NEMF: variants seen among roughly 807,000 people sequenced by gnomAD.
NEMF encodes ribosome quality control complex subunit NEMF.
A neutral mutation model predicts 162.2 loss-of-function variants in NEMF; 89 were observed. The observed-to-expected ratio is 0.55, with a 90% CI of 0.46 to 0.65. The LOEUF (loss-of-function observed/expected upper bound fraction) is 0.65. Among genes scored for constraint, NEMF ranks in the 30% least tolerant of loss-of-function variants. NEMF has a pLI of 0.00. For synonymous variants in NEMF, 421 were observed against 404.5 expected (o/e 1.04, Z -0.49); for missense variants, 1,133 against 1,261.9 (o/e 0.90, Z 1.55).
At position 49,799,628 on chromosome 14, in the gene NEMF, T is replaced by C. The variant is rs777217687; in HGVS notation, c.2415+8A>G. On this transcript the variant is annotated splice_region_variant and intron_variant, in intron 24 of 32. Coordinates refer to ENST00000298310, the MANE Select transcript of NEMF (RefSeq NM_004713.6). ...CGGATGTTCTTCATAAAACTGAAAA[T>C]AGCTTACAGAATTAGAAGATTCCTC... 4.4e-6 allele frequency: 7 copies of C among 1,608,120 alleles called. No homozygotes were observed.
Position 49,806,213 on chromosome 14 carries a change from G to A in NEMF, c.1745-80C>T, listed in dbSNP as rs1594749768. 10 of 485,134 alleles carry A rather than the reference G, an allele frequency of 2.1e-5. No individual in the cohort carries two copies. In the East Asian group the frequency reaches 4.8e-4, roughly 23 times the overall value. The allele number at this position is 485,134 out of a possible 1,614,324, so 30.1% of individuals were successfully genotyped here. ...AAGATATGAAAATCACATGCCGCAT[G>A]ACAGGGTCAATGATATGTGTATATA... On this transcript the variant is annotated intron_variant, in intron 18 of 32. Transcript: ENST00000298310.
chr14:49,789,386 A>C, intron 27 of NEMF, 43 bp from the exon 28 acceptor site: 1 of 1,611,608 alleles, frequency 6.2e-7, no homozygotes, highest in Non-Finnish European at 8.5e-7. Flanking sequence ...TGTATTTTCA[A>C]TACTGTGAAT....
Position 49,834,412 on chromosome 14 carries a change from T to G in NEMF, c.612A>C (p.Glu204Asp). 1 of 1,609,004 alleles carries G rather than the reference T, an allele frequency of 6.2e-7. No homozygotes were observed. The highest frequency in any genetic ancestry group is 8.5e-7 in the Non-Finnish European group (1 of 1,175,282). Residue 204 changes from glutamate (E) to aspartate (D), a missense_variant, in exon 7 of 33, where the codon GAA (glutamate) becomes GAC (aspartate). Physicochemically the swap from Glu to Asp is conservative, Grantham distance 45. Transcript: ENST00000298310. ...CTTTGACATTACCCGAGAATCCATT[T>G]TCTAAAAGACAGTGTTCAATGAGAG... ...GPALIEHCLL[E>D]NGFSGNVKVD...
At chr14:49,826,960 G>C (rs1464288232) in intron 15 of NEMF, among the ~76,000 whole-genome samples, 1 of 152,156 alleles carries the variant, frequency 6.6e-6, no homozygotes, top group Non-Finnish European at 1.5e-5. Flanking sequence ...ATTCCAGGTA[G>C]AGAGAACAGC....
In NEMF at chr14:49,783,894, C is replaced by T. The variant is rs979510126; in HGVS notation, c.*742G>A. 1 of 151,876 alleles carries T rather than the reference C, an allele frequency of 6.6e-6. No homozygotes were observed. The highest frequency in any genetic ancestry group is 2.4e-5 in the African/African-American group (1 of 41,344). The allele number at this position is 151,876 out of a possible 1,614,324, so 9.4% of individuals were successfully genotyped here. On this transcript the variant is annotated 3_prime_UTR_variant, in exon 33 of 33. Transcript: ENST00000298310. ...GTATCAATGAAAGCAGAAGAAAATC[C>T]ACTCCAATACTTAGTTTTCAAGACA... is the stretch of plus-strand genomic sequence containing the variant.
At chr14:49,815,274 T>A (rs1417389199) in intron 16 of NEMF, among the ~76,000 whole-genome samples, 2 of 152,190 alleles carry the variant, frequency 1.3e-5, no homozygotes, top group Non-Finnish European at 2.9e-5. Flanking sequence ...AATTAATCTT[T>A]AATATGATAT....
At chr14:49,803,394 ACT>A (rs1566662565) in intron 19 of NEMF, 100 bp from the exon 20 acceptor site, 4 of 715,892 alleles carry the variant, frequency 5.6e-6, no homozygotes, top group Non-Finnish European at 6.8e-6. Context: ...AGTAAGCCAC[ACT>A]GTCTTCTGAA....
chr14:49,806,230 GTGTATATATATATA>G (rs1478594232), intron 18 of NEMF, 97 bp from the exon 19 acceptor site: 2 of 104,322 alleles, frequency 1.9e-5, no homozygotes, highest in African/African-American at 3.3e-4. Context: ...TCAATGATAT[GTGTATATATATATA>G]TATATATATA....
chr14:49,836,523 T>C (rs1892912248), intron 6 of NEMF, among the ~76,000 whole-genome samples: 1 of 152,036 alleles, frequency 6.6e-6, no homozygotes, highest in Non-Finnish European at 1.5e-5. Flanking sequence ...AGTTCATCCC[T>C]GTAGTCCCAG....
chr14:49,827,055 A>T (rs1192092874), intron 15 of NEMF, among the ~76,000 whole-genome samples: 1 of 152,090 alleles, frequency 6.6e-6, no homozygotes, highest in Non-Finnish European at 1.5e-5. Context: ...AGTGTATGAG[A>T]GGAGGAATGC....
intron 26 of NEMF, among the ~76,000 whole-genome samples, chr14:49,789,883 T>C (rs1348482586): frequency 2.0e-5 from 3 of 152,122 alleles, no homozygotes; most frequent in Non-Finnish European, 2.9e-5. Flanking sequence ...AGAACAGTAA[T>C]AGCAAGTCAT....
intron 19 of NEMF, 139 bp downstream of exon 19, chr14:49,805,882 G>T: frequency 2.0e-6 from 1 of 492,258 alleles, no homozygotes; most frequent in Non-Finnish European, 3.7e-6. Context: ...CTTATTACCT[G>T]ACATTATGTA....
chr14:49,824,178 T>A (rs1195759990), intron 16 of NEMF, among the ~76,000 whole-genome samples: 5 of 143,282 alleles, frequency 3.5e-5, no homozygotes, highest in African/African-American at 1.0e-4. Context: ...TCAAAAAAAA[T>A]AAAATAAATA....
At chr14:49,850,377 C>T (rs948353032) in intron 3 of NEMF, among the ~76,000 whole-genome samples, 73 of 152,124 alleles carry the variant, frequency 4.8e-4, no homozygotes, top group Non-Finnish European at 9.7e-4. Flanking sequence ...CATGAGCCAC[C>T]GCACCTGGTC....
intron 22 of NEMF, chr14:49,801,115 T>C (rs1043757986): frequency 3.4e-5 from 6 of 176,480 alleles, no homozygotes; most frequent in Non-Finnish European, 6.0e-5. Flanking sequence ...CACTGTCTAA[T>C]AGTAGTAACA....
chr14:49,794,813 G>C (rs1005414471), intron 26 of NEMF, among the ~76,000 whole-genome samples: 3 of 150,944 alleles, frequency 2.0e-5, no homozygotes, highest in Non-Finnish European at 4.4e-5. Flanking sequence ...CCGCCTCCTG[G>C]GTTCAAGCAA....
intron 2 of NEMF, 52 bp downstream of exon 2, chr14:49,851,755 T>C: frequency 6.9e-7 from 1 of 1,450,266 alleles, no homozygotes; most frequent in Non-Finnish European, 9.6e-7. Flanking sequence ...AAAAAATCAG[T>C]AATCTCATAC....
intron 28 of NEMF, 86 bp from the exon 29 acceptor site, chr14:49,786,836 G>C: frequency 8.0e-7 from 1 of 1,250,556 alleles, no homozygotes; most frequent in Non-Finnish European, 1.1e-6. Flanking sequence ...GAAAGAAACA[G>C]TGATACAACC....
Position 49,814,637 on chromosome 14 carries a change from T to C in NEMF, c.1681+117A>G, listed in dbSNP as rs546057647. 90 of 580,406 alleles carry C rather than the reference T, an allele frequency of 1.6e-4. 3 individuals carry two copies. The South Asian group carries it at 2.1e-3, about 13-fold the overall frequency. The allele number at this position is 580,406 out of a possible 1,614,324, so 36.0% of individuals were successfully genotyped here. ...ACCATGAAGCATCATGCATCAAATC[T>C]TTCTACTAGTTAAATCTATCAAACA... On this transcript the variant is annotated intron_variant, in intron 17 of 32. Transcript: ENST00000298310.
Sources: allele counts gnomAD v4.1 joint callset (sites outside exome capture counted in the v4.1 genomes callset), GRCh38; gene constraint gnomAD v4.1.1; transcripts MANE v1.5; gene names NCBI Gene and HGNC (gene_info 2026-07-23, HGNC 2026-07-21).